GABBR2: variants seen among roughly 807,000 people sequenced by gnomAD.
GABBR2 encodes G-protein coupled receptor 51.
A neutral mutation model predicts 105.6 loss-of-function variants in GABBR2; 23 were observed. The ratio of observed to expected loss-of-function variants is 0.22; its 90% CI spans 0.16 to 0.31. The LOEUF (loss-of-function observed/expected upper bound fraction) is 0.31. Ranked by LOEUF, GABBR2 falls within the 10% of genes least tolerant of loss-of-function variation. GABBR2 has a pLI of 1.00. For synonymous variants in GABBR2, 478 were observed against 499.7 expected (o/e 0.96, Z 0.58); for missense variants, 734 against 1,245.5 (o/e 0.59, Z 6.18).
In GABBR2 at chr9:98,388,344, G is replaced by A. The variant is rs1426611615; in HGVS notation, c.1529+510C>T. Among the ~76,000 whole-genome samples the A allele has an allele frequency of 6.6e-6, 1 of 152,186 alleles. No individual in the cohort carries two copies. The highest frequency in any genetic ancestry group is 2.4e-5 in the African/African-American group (1 of 41,440). On this transcript the variant is annotated intron_variant, in intron 10 of 18. Transcript: ENST00000259455. The surrounding 1 kb of genome is among the most constrained non-coding windows in gnomAD (Gnocchi z 4.4). ...ATCCGGAGGGTCATACGGGATGATG[G>A]AAGGGAGGGCTTCCTGGCCGTAATG...
chr9:98,499,724 G>C (rs898608438), intron 3 of GABBR2, among the ~76,000 whole-genome samples: 6 of 152,200 alleles, frequency 3.9e-5, no homozygotes, highest in African/African-American at 1.4e-4. Context: ...TAAATGCCTA[G>C]GTTTCCTTCT....
At chr9:98,606,584 G>A (rs577474516) in intron 1 of GABBR2, among the ~76,000 whole-genome samples, 17 of 149,300 alleles carry the variant, frequency 1.1e-4, no homozygotes, top group Non-Finnish European at 1.8e-4. Context: ...AGGTTCAAGC[G>A]ATTCTCCTGC....
At chr9:98,701,198 C>T (rs1397333391) in intron 1 of GABBR2, among the ~76,000 whole-genome samples, 1 of 152,134 alleles carries the variant, frequency 6.6e-6, no homozygotes, top group Non-Finnish European at 1.5e-5. Context: ...AAAGAAGGTC[C>T]CTTTAAAGAT....
At chr9:98,337,206 G>A (rs1486326986) in intron 13 of GABBR2, among the ~76,000 whole-genome samples, 2 of 152,166 alleles carry the variant, frequency 1.3e-5, no homozygotes, top group Non-Finnish European at 2.9e-5. Context: ...TCAGGAGGCC[G>A]AGGCACGAGA....
chr9:98,467,715 A>G (rs569217573), intron 6 of GABBR2, among the ~76,000 whole-genome samples: 2 of 152,348 alleles, frequency 1.3e-5, no homozygotes, highest in African/African-American at 4.8e-5. Flanking sequence ...GTTTCTTGCC[A>G]GAAAACATTA....
chr9:98,342,062 G>C (rs1387054763), intron 13 of GABBR2, among the ~76,000 whole-genome samples: 1 of 152,072 alleles, frequency 6.6e-6, no homozygotes, highest in African/African-American at 2.4e-5. Flanking sequence ...CAGACAAGAG[G>C]GGACCGGCAC....
At chr9:98,344,281 A>G (rs1831267213) in intron 13 of GABBR2, among the ~76,000 whole-genome samples, 1 of 151,946 alleles carries the variant, frequency 6.6e-6, no homozygotes. Context: ...TCCAACACCT[A>G]CTCACCGTCA....
intron 11 of GABBR2, among the ~76,000 whole-genome samples, chr9:98,378,199 T>A (rs1039758164): frequency 6.6e-6 from 1 of 152,154 alleles, no homozygotes; most frequent in Admixed American, 6.5e-5. Context: ...ACCTTTCTAG[T>A]TAGAGTTAGA....
intron 12 of GABBR2, 110 bp from the exon 13 acceptor site, chr9:98,362,947 A>G (rs1020405005): frequency 5.4e-6 from 5 of 933,058 alleles, no homozygotes; most frequent in Admixed American, 3.2e-5. Context: ...CCCCAGCCGG[A>G]GAGTCTCCTG....
chr9:98,308,472 G>A (rs146915721), intron 14 of GABBR2, among the ~76,000 whole-genome samples: 1 of 152,246 alleles, frequency 6.6e-6, no homozygotes, highest in African/African-American at 2.4e-5. Context: ...CTTAATTCCT[G>A]GAAACCGTGA....
rs887659667 is a variant in GABBR2 at position 98,475,806 on chromosome 9, T to C, written c.799-2460A>G. 2.0e-5 allele frequency among the ~76,000 whole-genome samples: 3 copies of C among 152,232 alleles called. No individual in the cohort carries two copies. The South Asian group carries it at 6.2e-4, about 32-fold the overall frequency. On this transcript the variant is annotated intron_variant, in intron 5 of 18. Coordinates refer to ENST00000259455, the MANE Select transcript of GABBR2 (RefSeq NM_005458.8). ...CAGAGTGGCTGGGCGCGTTGGCTCA[T>C]GCCTATAGCACTTTGGGAGGCCGAG...
At chr9:98,435,148 A>G (rs556260069) in intron 7 of GABBR2, among the ~76,000 whole-genome samples, 8 of 152,306 alleles carry the variant, frequency 5.3e-5, no homozygotes, top group Non-Finnish European at 1.0e-4. Flanking sequence ...TTGCTTCTGC[A>G]TGAGTGGAAT....
intron 1 of GABBR2, among the ~76,000 whole-genome samples, chr9:98,640,348 A>C (rs570396070): frequency 1.1e-4 from 16 of 152,220 alleles, no homozygotes; most frequent in Admixed American, 8.5e-4. Flanking sequence ...GACATTATGA[A>C]TCTCACTCTG....
chr9:98,438,552 TAGA>T lies in GABBR2; in HGVS notation c.1236+15426_1236+15428del, dbSNP rs372365768. Among the ~76,000 whole-genome samples, 530 of 152,294 alleles carry T rather than the reference TAGA, an allele frequency of 3.5e-3. 3 individuals carry two copies. Among genetic ancestry groups the T allele is most frequent in the African/African-American group, 0.012 (497 of 41,562 alleles). On this transcript the variant is annotated intron_variant, in intron 7 of 18. Coordinates refer to ENST00000259455, the MANE Select transcript of GABBR2 (RefSeq NM_005458.8). ...GACCCTACCCTCAAGGAGTTGGTAG[TAGA>T]AGTTAATTCATGCAAGCGAATGAAT... is the stretch of plus-strand genomic sequence containing the variant.
intron 1 of GABBR2, among the ~76,000 whole-genome samples, chr9:98,646,058 G>A (rs1295914067): frequency 1.3e-5 from 2 of 152,158 alleles, no homozygotes; most frequent in African/African-American, 2.4e-5. Context: ...TTCTCTGGGC[G>A]GAAAAGGGTT....
intron 2 of GABBR2, among the ~76,000 whole-genome samples, chr9:98,575,113 A>G (rs971499075): frequency 1.3e-5 from 2 of 152,040 alleles, no homozygotes; most frequent in Non-Finnish European, 2.9e-5. Flanking sequence ...GCAAAACCCT[A>G]AGAGAGAGAC....
intron 13 of GABBR2, among the ~76,000 whole-genome samples, chr9:98,324,271 A>G (rs1830879225): frequency 6.6e-6 from 1 of 152,032 alleles, no homozygotes; most frequent in African/African-American, 2.4e-5. Flanking sequence ...TACATCTTAG[A>G]TTTTACAGTG....
In GABBR2 at chr9:98,424,415, C is replaced by T. The variant is rs1460975249; in HGVS notation, c.1237-18274G>A. ...AAACTGGAAGCATTCCCTTTGAAAA[C>T]GGGCACAAGACAGGGATGCCCTCTC... is the stretch of plus-strand genomic sequence containing the variant. On this transcript the variant is annotated intron_variant, in intron 7 of 18. Transcript: ENST00000259455. Among the ~76,000 whole-genome samples, 6 of 151,852 alleles carry T rather than the reference C, an allele frequency of 4.0e-5. No individual in the cohort carries two copies. In the South Asian group the frequency reaches 6.2e-4, roughly 16 times the overall value.
intron 6 of GABBR2, among the ~76,000 whole-genome samples, chr9:98,456,842 T>A (rs1013049032): frequency 2.0e-5 from 3 of 152,242 alleles, no homozygotes; most frequent in Non-Finnish European, 4.4e-5. Flanking sequence ...TCTTTAATGA[T>A]TAGAATGAGC....
Sources: allele counts gnomAD v4.1 joint callset (sites outside exome capture counted in the v4.1 genomes callset), GRCh38; gene constraint gnomAD v4.1.1; non-coding constraint Gnocchi (gnomAD v3.1); transcripts MANE v1.5; gene names NCBI Gene and HGNC (gene_info 2026-07-23, HGNC 2026-07-21).